CCDC141: variants seen among roughly 807,000 people sequenced by gnomAD.
CCDC141 encodes coiled-coil domain containing 141, also known as coiled-coil domain-containing protein 141.
A neutral mutation model predicts 181.0 loss-of-function variants in CCDC141; 168 were observed. The ratio of observed to expected loss-of-function variants is 0.93; its 90% CI spans 0.82 to 1.05. The LOEUF is 1.05. Among genes scored for constraint, CCDC141 ranks in the 50% least tolerant of loss-of-function variants. CCDC141 has a pLI of 0.00. For missense variants in CCDC141, 1,902 were observed against 1,788.5 expected (o/e 1.06, Z -1.14); for synonymous variants, 666 against 642.3 (o/e 1.04, Z -0.56).
chr2:178,847,499 C>A (rs1322949170), intron 21 of CCDC141, among the ~76,000 whole-genome samples: 1 of 152,084 alleles, frequency 6.6e-6, no homozygotes, highest in African/African-American at 2.4e-5. Context: ...CCACTACACT[C>A]CAGCCTGGGC....
intron 21 of CCDC141, among the ~76,000 whole-genome samples, chr2:178,849,677 C>G (rs1685082693): frequency 6.6e-6 from 1 of 151,908 alleles, no homozygotes; most frequent in Non-Finnish European, 1.5e-5. Context: ...TCTGGTGCCA[C>G]AATTTGGAGA....
chr2:178,899,949 C>G (rs909888463), intron 8 of CCDC141, among the ~76,000 whole-genome samples: 2 of 152,142 alleles, frequency 1.3e-5, no homozygotes. Context: ...ATGTATGGCT[C>G]TAGTTTGCAA....
intron 2 of CCDC141, among the ~76,000 whole-genome samples, chr2:179,019,578 T>C (rs758632076): frequency 1.3e-5 from 2 of 152,088 alleles, no homozygotes; most frequent in Admixed American, 6.6e-5. Context: ...TTCTTTCCCT[T>C]TCTATCCCCT....
In CCDC141 at chr2:178,837,185, G is replaced by A. The variant is rs566954976; in HGVS notation, c.4034C>T (p.Thr1345Ile). ...HPQAQGGLLE[T>I]REKMHADNNF... Reference sequence around the variant, plus strand: ...ATTATCAGCATGCATTTTCTCCCGTGTTTCTAGCAAACCACCCTGAGCCTG... The same window carrying A: ...ATTATCAGCATGCATTTTCTCCCGTATTTCTAGCAAACCACCCTGAGCCTG... Residue 1345 changes from threonine (T) to isoleucine (I), a missense_variant, in exon 23 of 24, where the codon ACA becomes ATA. Physicochemically the swap from Thr to Ile is moderately conservative, Grantham distance 89 (BLOSUM62 -1). Coordinates refer to ENST00000443758, the MANE Select transcript of CCDC141 (RefSeq NM_173648.4). The A allele has an allele frequency of 2.5e-6, 4 of 1,613,966 alleles. No individual in the cohort carries two copies. The highest frequency in any genetic ancestry group is 1.7e-6 in the Non-Finnish European group (2 of 1,179,956).
At chr2:178,846,625 T>G (rs1398041423) in intron 21 of CCDC141, among the ~76,000 whole-genome samples, 1 of 152,238 alleles carries the variant, frequency 6.6e-6, no homozygotes, top group East Asian at 1.9e-4. Context: ...TGCTTTGGTA[T>G]GCAGCTGATA....
At chr2:179,027,404 G>T (rs4893864) in intron 2 of CCDC141, among the ~76,000 whole-genome samples, 17,737 of 152,004 alleles carry the variant, frequency 0.12, 1,099 homozygotes, top group Middle Eastern at 0.18. Context: ...CAGCATTTTG[G>T]GAGGCTGAGG....
At chr2:178,823,447 A>G in the CCDC141 span, among the ~76,000 whole-genome samples, 4 of 152,322 alleles carry the variant, frequency 2.6e-5, no homozygotes, top group Non-Finnish European at 5.9e-5. Context: ...ATAAAAAAGA[A>G]ATAAACACAC....
chr2:179,047,200 T>A, intron 2 of CCDC141, 84 bp downstream of exon 2: 2 of 1,294,724 alleles, frequency 1.5e-6, no homozygotes, highest in African/African-American at 3.0e-5. Flanking sequence ...CCTAGGCCAG[T>A]AACAGCAGAG....
intron 2 of CCDC141, among the ~76,000 whole-genome samples, chr2:178,984,734 G>A (rs1447638996): frequency 6.7e-6 from 1 of 150,194 alleles, no homozygotes; most frequent in African/African-American, 2.5e-5. Context: ...ATTACATAAT[G>A]GTAAAGGGAT....
chr2:178,927,600 T>C (rs974539826), intron 6 of CCDC141, among the ~76,000 whole-genome samples: 2 of 152,070 alleles, frequency 1.3e-5, no homozygotes, highest in African/African-American at 4.8e-5. Flanking sequence ...TAATGGTGTC[T>C]GGAGAATTAA....
chr2:178,826,713 A>C (rs2154364857), downstream of CCDC141, among the ~76,000 whole-genome samples: 1 of 151,814 alleles, frequency 6.6e-6, no homozygotes, highest in East Asian at 1.9e-4. Context: ...GTGAGCTTAG[A>C]GTTTCTTTCA....
At chr2:179,011,002 CA>C (rs1452555294) in intron 2 of CCDC141, among the ~76,000 whole-genome samples, 1 of 151,816 alleles carries the variant, frequency 6.6e-6, no homozygotes, top group East Asian at 1.9e-4. Context: ...ACTAAAGATA[CA>C]AAAAATTAGC....
chr2:179,005,602 C>T (rs1401040098), intron 2 of CCDC141, among the ~76,000 whole-genome samples: 1 of 152,106 alleles, frequency 6.6e-6, no homozygotes, highest in Non-Finnish European at 1.5e-5. Flanking sequence ...CCTATCACTG[C>T]TTCAATACTG....
At chr2:178,863,418 A>T (rs946623618) in intron 17 of CCDC141, among the ~76,000 whole-genome samples, 3 of 152,230 alleles carry the variant, frequency 2.0e-5, no homozygotes, top group Non-Finnish European at 2.9e-5. Flanking sequence ...TTAATTGTTT[A>T]TGCAGAAAAA....
intron 4 of CCDC141, among the ~76,000 whole-genome samples, chr2:178,964,581 T>G (rs1206061982): frequency 1.3e-5 from 2 of 152,216 alleles, no homozygotes; most frequent in African/African-American, 4.8e-5. Flanking sequence ...GTAAAATGTA[T>G]CCAGGCTGAG....
At chr2:178,909,491 T>C (rs1037602840) in intron 7 of CCDC141, among the ~76,000 whole-genome samples, 2 of 152,202 alleles carry the variant, frequency 1.3e-5, no homozygotes, top group African/African-American at 4.8e-5. Flanking sequence ...TCTGCAGACA[T>C]AGAAATAAGA....
intron 2 of CCDC141, among the ~76,000 whole-genome samples, chr2:178,983,169 C>T (rs1056224448): frequency 2.6e-5 from 4 of 152,182 alleles, no homozygotes; most frequent in African/African-American, 9.6e-5. Flanking sequence ...TGACCCCCGA[C>T]CAGCCTAACT....
intron 8 of CCDC141, among the ~76,000 whole-genome samples, chr2:178,894,381 A>C (rs1277736493): frequency 6.6e-6 from 1 of 152,188 alleles, no homozygotes; most frequent in African/African-American, 2.4e-5. Context: ...CCAAAATCTC[A>C]AAACACATGA....
chr2:178,860,956 CCA>C (rs1401695152), intron 17 of CCDC141, among the ~76,000 whole-genome samples: 6 of 152,084 alleles, frequency 3.9e-5, no homozygotes, highest in Admixed American at 1.3e-4. Flanking sequence ...CAGGAAGTTT[CCA>C]CAGTCATTTT....
Sources: gnomAD v4.1 joint callset for allele counts (sites outside exome capture counted in the v4.1 genomes callset) on GRCh38, gnomAD v4.1.1 for gene constraint, MANE v1.5 for transcripts, NCBI Gene and HGNC (gene_info 2026-07-23, HGNC 2026-07-21) for gene names.